SYT16: variants seen among roughly 807,000 people sequenced by gnomAD.
SYT16 encodes synaptotagmin-16.
A neutral mutation model predicts 61.4 loss-of-function variants in SYT16; 42 were observed. The ratio of observed to expected loss-of-function variants is 0.68; its 90% CI spans 0.53 to 0.89. SYT16 has a LOEUF of 0.89. Ranked by LOEUF, SYT16 falls within the 40% of genes least tolerant of loss-of-function variation. The probability of loss-of-function intolerance (pLI) is 0.00; values close to 1 mark genes in which losing one functional copy is unlikely to be tolerated. For missense variants in SYT16, 804 were observed against 807.3 expected, an observed-to-expected ratio of 1.00 and a Z score of 0.05; for synonymous variants, 314 against 302.3, an observed-to-expected ratio of 1.04 and a Z score of -0.40.
chr14:62,096,337 A>G (rs1309344144), intron 7 of SYT16, among the ~76,000 whole-genome samples: 1 of 152,152 alleles, frequency 6.6e-6, no homozygotes, highest in Non-Finnish European at 1.5e-5. Flanking sequence ...TAAAGAGCAC[A>G]GTCATTCACT....
intron 1 of SYT16, among the ~76,000 whole-genome samples, chr14:61,851,812 C>CCTA (rs1330167360): frequency 6.6e-6 from 1 of 152,112 alleles, no homozygotes; most frequent in Non-Finnish European, 1.5e-5. Context: ...GGATATTAGA[C>CCTA]CTTCATCGGA....
intron 1 of SYT16, among the ~76,000 whole-genome samples, chr14:61,957,018 C>A (rs898953701): frequency 6.6e-6 from 1 of 151,608 alleles, no homozygotes; most frequent in African/African-American, 2.4e-5. Flanking sequence ...ATGTATAAGT[C>A]TTTCACCTCC....
chr14:61,982,352 A>G (rs995404453), intron 2 of SYT16, among the ~76,000 whole-genome samples: 1 of 152,176 alleles, frequency 6.6e-6, no homozygotes, highest in African/African-American at 2.4e-5. Flanking sequence ...TAATGGACTC[A>G]GAGTTCCATG....
chr14:61,978,105 C>T (rs2140552007), intron 2 of SYT16, among the ~76,000 whole-genome samples: 1 of 152,278 alleles, frequency 6.6e-6, no homozygotes, highest in Non-Finnish European at 1.5e-5. Flanking sequence ...CTAGTCTCAT[C>T]TCAAATTCTT....
intron 1 of SYT16, among the ~76,000 whole-genome samples, chr14:61,901,693 A>G (rs1594869368): frequency 6.6e-6 from 1 of 151,644 alleles, no homozygotes; most frequent in South Asian, 2.1e-4. Flanking sequence ...CACCACTGTC[A>G]GAAATATCTT....
intron 1 of SYT16, among the ~76,000 whole-genome samples, chr14:61,858,243 A>G (rs1406788975): frequency 6.6e-6 from 1 of 152,078 alleles, no homozygotes; most frequent in Non-Finnish European, 1.5e-5. Context: ...CATTTCAATC[A>G]GGGCCTTCCG....
At chr14:62,008,615 A>G (rs1209249222) in intron 3 of SYT16, among the ~76,000 whole-genome samples, 1 of 144,648 alleles carries the variant, frequency 6.9e-6, no homozygotes, top group Non-Finnish European at 1.5e-5. Context: ...TATGATTCCC[A>G]TTGTGTTTCT....
At chr14:61,859,594 G>A (rs1160550558) in intron 1 of SYT16, among the ~76,000 whole-genome samples, 1 of 151,676 alleles carries the variant, frequency 6.6e-6, no homozygotes, top group African/African-American at 2.4e-5. Flanking sequence ...AAAGGTTTAG[G>A]ACACAGACAC....
At chr14:62,001,281 A>G (rs921436676) in intron 3 of SYT16, among the ~76,000 whole-genome samples, 2 of 152,004 alleles carry the variant, frequency 1.3e-5, no homozygotes, top group Non-Finnish European at 2.9e-5. Context: ...AACATTTCTT[A>G]TACTGTATAT....
intron 1 of SYT16, among the ~76,000 whole-genome samples, chr14:61,961,408 TA>T (rs1190267313): frequency 6.6e-6 from 1 of 151,914 alleles, no homozygotes; most frequent in African/African-American, 2.4e-5. Flanking sequence ...ATAAGAAACT[TA>T]AAAAAACTTA....
chr14:62,039,291 A>T (rs564333146), intron 3 of SYT16, among the ~76,000 whole-genome samples: 1 of 152,344 alleles, frequency 6.6e-6, no homozygotes, highest in African/African-American at 2.4e-5. Context: ...AAGACAAGGC[A>T]TGAGGTGCCT....
intron 1 of SYT16, among the ~76,000 whole-genome samples, chr14:61,892,786 G>A (rs1031472542): frequency 6.6e-6 from 1 of 152,186 alleles, no homozygotes; most frequent in Non-Finnish European, 1.5e-5. Flanking sequence ...GAAGAAAGGG[G>A]ATTAGATACC....
chr14:61,871,848 CTA>C (rs1566641544), intron 1 of SYT16, among the ~76,000 whole-genome samples: 1 of 152,118 alleles, frequency 6.6e-6, no homozygotes, highest in African/African-American at 2.4e-5. Flanking sequence ...TTTTTGTCCT[CTA>C]TGAAGTTTTT....
In SYT16 at chr14:62,053,715, C is replaced by T. The variant is rs772028641; in HGVS notation, c.524-15888C>T. On this transcript the variant is annotated intron_variant, in intron 3 of 7. Transcript: ENST00000683842. Reference sequence around the variant, plus strand: ...TTCCTCAGAAATGTTAGGGGAGTCACGACTACATAAACCTATTTAGAAAAT... The same window carrying T: ...TTCCTCAGAAATGTTAGGGGAGTCATGACTACATAAACCTATTTAGAAAAT... Among the ~76,000 whole-genome samples the T allele has an allele frequency of 1.3e-4, 20 of 152,112 alleles. 1 individual carries two copies. Among genetic ancestry groups the T allele is most frequent in the Non-Finnish European group, 2.5e-4 (17 of 68,000 alleles).
intron 1 of SYT16, among the ~76,000 whole-genome samples, chr14:61,879,905 T>C (rs2047636473): frequency 6.6e-6 from 1 of 152,228 alleles, no homozygotes; most frequent in Admixed American, 6.5e-5. Flanking sequence ...AATCACACTG[T>C]CTTCTCTCGC....
intron 1 of SYT16, among the ~76,000 whole-genome samples, chr14:61,960,350 G>A (rs2051066504): frequency 6.6e-6 from 1 of 152,062 alleles, no homozygotes; most frequent in Non-Finnish European, 1.5e-5. Context: ...ATGTTTTCCT[G>A]TTTGTTTGTG....
chr14:62,085,674 G>C (rs760374392), intron 7 of SYT16, among the ~76,000 whole-genome samples: 4 of 152,112 alleles, frequency 2.6e-5, no homozygotes, highest in Non-Finnish European at 5.9e-5. Context: ...TAGTCAACTT[G>C]TATGAAAACC....
chr14:62,038,876 TGAG>T (rs891229204), intron 3 of SYT16, among the ~76,000 whole-genome samples: 2 of 152,232 alleles, frequency 1.3e-5, no homozygotes, highest in African/African-American at 4.8e-5. Flanking sequence ...ATATGTAACA[TGAG>T]GAGCACATGA....
At chr14:61,907,781 G>A (rs962494726) in intron 1 of SYT16, among the ~76,000 whole-genome samples, 3 of 152,248 alleles carry the variant, frequency 2.0e-5, no homozygotes, top group Non-Finnish European at 4.4e-5. Context: ...AGAGACTACA[G>A]AAGGGTGTGA....
Sources: gnomAD v4.1 joint callset for allele counts (sites outside exome capture counted in the v4.1 genomes callset) on GRCh38, gnomAD v4.1.1 for gene constraint, MANE v1.5 for transcripts, NCBI Gene and HGNC (gene_info 2026-07-23, HGNC 2026-07-21) for gene names.